Variants in POLE observed in about 807,000 individuals in gnomAD.
POLE encodes DNA polymerase epsilon, catalytic subunit.
A neutral mutation model predicts 279.2 loss-of-function variants in POLE; 188 were observed. The ratio of observed to expected loss-of-function variants is 0.67; its 90% CI spans 0.60 to 0.76. POLE has a LOEUF of 0.76. Among genes scored for constraint, POLE ranks in the 30% least tolerant of loss-of-function variants. The probability of loss-of-function intolerance (pLI) is 0.00; values close to 1 mark genes in which losing one functional copy is unlikely to be tolerated. For missense variants in POLE, 2,703 were observed against 3,016.7 expected (o/e 0.90, Z 2.44); for synonymous variants, 1,214 against 1,172.5 (o/e 1.04, Z -0.72).
At chr12:132,671,941 C>T (rs1321677798) in intron 16 of POLE, among the ~76,000 whole-genome samples, 1 of 152,124 alleles carries the variant, frequency 6.6e-6, no homozygotes, top group Non-Finnish European at 1.5e-5. Context: ...AGTCCTAATG[C>T]TTTAAAACAG....
At chr12:132,673,962 C>T (rs1409295087) in intron 12 of POLE, among the ~76,000 whole-genome samples, 2 of 152,142 alleles carry the variant, frequency 1.3e-5, no homozygotes, top group Non-Finnish European at 2.9e-5. Context: ...TCCTCCCATC[C>T]TCAGCAGAGT....
At chr12:132,625,958 G>T (rs887369578) in intron 46 of POLE, 159 bp downstream of exon 46, 1 of 1,086,448 alleles carries the variant, frequency 9.2e-7, no homozygotes, top group Non-Finnish European at 1.3e-6. Context: ...TCCGAACATG[G>T]TGTGGGGAGG....
intron 23 of POLE, 120 bp downstream of exon 23, chr12:132,663,884 A>C (rs2042730698): frequency 1.0e-6 from 1 of 987,516 alleles, no homozygotes; most frequent in African/African-American, 1.6e-5. Flanking sequence ...ATAGAAAAGC[A>C]ATGTGAGCAG....
intron 45 of POLE, 135 bp from the exon 46 acceptor site, chr12:132,626,452 C>T (rs755777170): frequency 6.9e-6 from 5 of 728,930 alleles, no homozygotes; most frequent in Non-Finnish European, 1.1e-5. Context: ...CTTTAGACGC[C>T]TCAGCTGACT....
rs756209651 is a variant in POLE, at chr12:132,679,539, T to C, written c.536A>G (p.Glu179Gly). The stretch of plus-strand genomic sequence containing the variant: ...GTACGCGTCGCTGGCGTGATCCTGC[T>C]CCCTGTTCTTCTTCACGGCAGGGGA... ...EISPAVKKNR[E>G]QDHASDAYTA... is the part of the protein sequence containing the mutation. Residue 179 changes from glutamate to glycine, a missense_variant, in exon 6 of 49, where the codon GAG (glutamate) becomes GGG (glycine). Glu to Gly is a moderately conservative substitution (Grantham distance 98). Around this residue, in one of 5 missense-constraint regions of POLE, gnomAD observed 1,011 missense variants for 1,111.7 expected, o/e 0.91. Transcript: ENST00000320574. 1.2e-6 allele frequency: 2 copies of C among 1,614,094 alleles called. No individual in the cohort carries two copies. The highest frequency in any genetic ancestry group is 3.3e-5 in the Admixed American group (2 of 60,018).
rs759126051 is a variant in POLE, at chr12:132,657,938, G to T, written c.3308C>A (p.Pro1103His). Reference protein sequence around the residue: ...AIPLAIFQAEPTVRKHFLRKW... With the variant: ...AIPLAIFQAEHTVRKHFLRKW... ...CCGGAGAAAGTGCTTCCTCACCGTG[G>T]GCTCTGCTTGGAAAATGGCAAGTGG... The change falls in exon 27 of 49, where the codon CCC (proline) becomes CAC (histidine). Residue 1103 changes from proline to histidine, a missense_variant. Around this residue, in one of 5 missense-constraint regions of POLE, gnomAD observed 1,551 missense variants for 1,686.1 expected, o/e 0.92. Coordinates refer to ENST00000320574, the MANE Select transcript of POLE (RefSeq NM_006231.4). The T allele has an allele frequency of 8.1e-6, 13 of 1,613,896 alleles. No homozygotes were observed. The highest frequency in any genetic ancestry group is 1.3e-5 in the African/African-American group (1 of 74,936).
Position 132,668,216 on chromosome 12 carries a change from CA to C in POLE, c.2173+139del. 1 of 915,238 alleles carries C rather than the reference CA, an allele frequency of 1.1e-6. No individual in the cohort carries two copies. The highest frequency in any genetic ancestry group is 1.6e-6 in the Non-Finnish European group (1 of 625,740). The allele number at this position is 915,238 out of a possible 1,614,324, so 56.7% of individuals were successfully genotyped here. A position where few individuals can be genotyped will look rare whatever the true frequency, so the allele number is the denominator to read the frequency against. The stretch of plus-strand genomic sequence containing the variant: ...GACCCTGCAGTGAGAGCACAGCTTA[CA>C]GTGACCTAGAGCAGCTTCTGGTCTG... On this transcript the variant is annotated intron_variant, in intron 19 of 48. Transcript: ENST00000320574. The surrounding 1 kb of genome is among the most constrained non-coding windows in gnomAD (Gnocchi z 4.0).
In POLE at chr12:132,667,622, T is replaced by G. The variant is rs776323425; in HGVS notation, c.2200A>C (p.Ile734Leu). Residue 734 changes from isoleucine to leucine, a missense_variant, in exon 20 of 49, where the codon ATC (isoleucine) becomes CTC (leucine). By Grantham distance (5) the Ile-to-Leu change is conservative. Transcript: ENST00000320574. ...CGCTCTTCCACCTTGGTGATGTGGA[T>G]CTTCTTGTAGGCTTTCCGGCAGTAA... The part of the protein sequence containing the change: ...ADYCRKAYKK[I>L]HITKVEERLT... 1.9e-6 allele frequency: 3 copies of G among 1,614,136 alleles called. No homozygotes were observed. The South Asian group carries it at 3.3e-5, about 18-fold the overall frequency.
intron 38 of POLE, 103 bp downstream of exon 38, chr12:132,642,074 T>G (rs1483741654): frequency 8.8e-7 from 1 of 1,140,968 alleles, no homozygotes; most frequent in African/African-American, 1.5e-5. Flanking sequence ...ACCTGCGCGG[T>G]CGAACTCTGA....
At chr12:132,645,152 G>A (rs1194174484) in intron 32 of POLE, among the ~76,000 whole-genome samples, 1 of 85,036 alleles carries the variant, frequency 1.2e-5, no homozygotes, top group African/African-American at 4.9e-5. Context: ...GGGCACCCTA[G>A]CTTCCTGTGT....
rs2135976157 is a variant in POLE at position 132,668,482 on chromosome 12, A to T, written c.2047T>A (p.Tyr683Asn). The change falls in exon 19 of 49, where the codon TAC becomes AAC. Residue 683 changes from tyrosine (Y) to asparagine (N), a missense_variant. Physicochemically the swap from Tyr to Asn is moderately radical, Grantham distance 143. This residue lies in a region of POLE where 1,011 missense variants were observed against 1,111.7 expected (regional missense o/e 0.91). Coordinates refer to ENST00000320574, the MANE Select transcript of POLE (RefSeq NM_006231.4). This position sits in a 1 kb window ranked among gnomAD's most constrained non-coding sequence, Gnocchi z 4.0. ...TCCAGCTGGTGCTGGATCCGATGGT[A>T]TTCGCTGCGACTGGCTGGCACTGGG... ...GEFMPASRSE[Y>N]HRIQHQLESE... is the part of the protein sequence containing the mutation. 1.2e-6 allele frequency: 2 copies of T among 1,602,214 alleles called. No individual in the cohort carries two copies. The highest frequency in any genetic ancestry group is 1.7e-6 in the Non-Finnish European group (2 of 1,173,436).
intron 1 of POLE, among the ~76,000 whole-genome samples, chr12:132,682,293 AAAAAAAAAAAATAAAT>A (rs1235155302): frequency 4.0e-4 from 24 of 59,306 alleles, no homozygotes; most frequent in Non-Finnish European, 5.5e-4. Context: ...GACTCCGGCA[AAAAAAAAAAAATAAAT>A]AAAAATAAAT....
At chr12:132,683,466 G>A (rs2043209348) in intron 1 of POLE, among the ~76,000 whole-genome samples, 1 of 152,112 alleles carries the variant, frequency 6.6e-6, no homozygotes, top group South Asian at 2.1e-4. Flanking sequence ...TTCTAAAACC[G>A]TAAGAGAATA....
intron 14 of POLE, 38 bp downstream of exon 14, chr12:132,673,126 G>T: frequency 7.6e-7 from 1 of 1,323,450 alleles, no homozygotes; most frequent in African/African-American, 1.4e-5. Flanking sequence ...GGCAAGGGCT[G>T]AGGAGGCCAG....
chr12:132,675,919 C>T lies in POLE; in HGVS notation c.1021-99G>A. The T allele has an allele frequency of 9.3e-7, 1 of 1,070,352 alleles. No homozygotes were observed. Among genetic ancestry groups the T allele is most frequent in the Non-Finnish European group, 1.4e-6 (1 of 697,784 alleles). 66.3% of individuals were successfully genotyped at this position (1,070,352 alleles called of 1,614,324 possible). On this transcript the variant is annotated intron_variant, in intron 10 of 48. Coordinates refer to ENST00000320574, the MANE Select transcript of POLE (RefSeq NM_006231.4). The surrounding 1 kb of genome is among the most constrained non-coding windows in gnomAD (Gnocchi z 4.3). Reference sequence around the variant, plus strand: ...TTCAGAAGCAGCAGCCTCATGTTGGCCCTTATTCCTGCCCCGCCCCTCCGC... The same window carrying T: ...TTCAGAAGCAGCAGCCTCATGTTGGTCCTTATTCCTGCCCCGCCCCTCCGC...
Position 132,675,241 on chromosome 12 carries a change from T to C in POLE, c.1226+157A>G, listed in dbSNP as rs527691185. Among the ~76,000 whole-genome samples, 13 of 152,268 alleles carry C rather than the reference T, an allele frequency of 8.5e-5. No individual in the cohort carries two copies. In the East Asian group the frequency reaches 2.5e-3, roughly 29 times the overall value. ...GTCAAAGACAGCACATCCCGGGCCC[T>C]GGCAGGGTTGCAGCTGCCATACTCT... On this transcript the variant is annotated intron_variant, in intron 12 of 48. Transcript: ENST00000320574. The surrounding 1 kb of genome is among the most constrained non-coding windows in gnomAD (Gnocchi z 4.3).
At chr12:132,676,254 GAAATGGCGTTCCCAC>G in intron 9 of POLE, 50 bp from the exon 10 acceptor site, 2 of 1,277,960 alleles carry the variant, frequency 1.6e-6, no homozygotes, top group South Asian at 2.4e-5. Flanking sequence ...GCAAAGCCAA[GAAATGGCGTTCCCAC>G]CCTGCCCACA....
intron 8 of POLE, 38 bp downstream of exon 8, chr12:132,677,325 G>A: frequency 1.3e-6 from 2 of 1,501,614 alleles, no homozygotes; most frequent in Non-Finnish European, 9.3e-7. Flanking sequence ...CCAGAAAACT[G>A]GAAATTTTAG....
chr12:132,679,827 TA>T, intron 5 of POLE, 126 bp downstream of exon 5: 1 of 985,828 alleles, frequency 1.0e-6, no homozygotes, highest in Non-Finnish European at 1.5e-6. Context: ...AGGAATTTTA[TA>T]GACGGTCACC....
Sources: gnomAD v4.1 joint callset for allele counts (sites outside exome capture counted in the v4.1 genomes callset) on GRCh38, gnomAD v4.1.1 for gene constraint, gnomAD v4.1.1 regional missense constraint, Gnocchi (gnomAD v3.1) non-coding constraint, MANE v1.5 for transcripts, NCBI Gene and HGNC (gene_info 2026-07-23, HGNC 2026-07-21) for gene names.